STAU2: variants seen among roughly 807,000 people sequenced by gnomAD.
STAU2 encodes the protein staufen double-stranded RNA binding protein 2, also known as double-stranded RNA-binding protein Staufen homolog 2.
In STAU2, 20 loss-of-function variants were observed where a neutral mutation model predicts 65.9. The observed-to-expected ratio is 0.30, with a 90% confidence interval of 0.21 to 0.44. The LOEUF (loss-of-function observed/expected upper bound fraction) is 0.44. Ranked by LOEUF, STAU2 falls within the 20% of genes least tolerant of loss-of-function variation. The pLI, the probability that STAU2 is intolerant of heterozygous loss-of-function variation, is 1.00. For synonymous variants in STAU2, 232 were observed against 233.9 expected (o/e 0.99, Z 0.07); for missense variants, 558 against 683.9 (o/e 0.82, Z 2.05).
chr8:73,452,293 C>G (rs1818842559), intron 13 of STAU2, among the ~76,000 whole-genome samples: 1 of 152,184 alleles, frequency 6.6e-6, no homozygotes, highest in Non-Finnish European at 1.5e-5. Context: ...AGGGGCTTCG[C>G]TGCACACTTG....
At chr8:73,534,808 T>C (rs939153961) in intron 13 of STAU2, among the ~76,000 whole-genome samples, 1 of 152,238 alleles carries the variant, frequency 6.6e-6, no homozygotes, top group Non-Finnish European at 1.5e-5. Context: ...TGCTTGGTCA[T>C]GTACCAGTGT....
At chr8:73,537,426 C>T (rs779400421) in intron 13 of STAU2, among the ~76,000 whole-genome samples, 4 of 152,138 alleles carry the variant, frequency 2.6e-5, no homozygotes, top group Non-Finnish European at 5.9e-5. Context: ...AATCAACAGA[C>T]AATCAAGCTT....
rs1428735822 is a variant in STAU2 at position 73,604,770 on chromosome 8, C to T, written c.892-907G>A. ...ACCAAATTAGCAAAAATTAAGAAGT[C>T]TAACAGCCCCAAGTGGTGAGAATGG... On this transcript the variant is annotated intron_variant, in intron 9 of 14. Transcript: ENST00000524300. 3.3e-5 allele frequency among the ~76,000 whole-genome samples: 5 copies of T among 152,104 alleles called. No individual in the cohort carries two copies. The East Asian group carries it at 5.8e-4, about 18-fold the overall frequency.
intron 5 of STAU2, among the ~76,000 whole-genome samples, chr8:73,674,107 T>TA (rs1265063557): frequency 6.9e-6 from 1 of 145,304 alleles, no homozygotes; most frequent in Non-Finnish European, 1.5e-5. Flanking sequence ...TTACTTTTTT[T>TA]AAAGAATAAA....
At chr8:73,630,305 G>A (rs1813994212) in intron 6 of STAU2, among the ~76,000 whole-genome samples, 2 of 152,212 alleles carry the variant, frequency 1.3e-5, no homozygotes, top group Admixed American at 1.3e-4. Context: ...ACACTAAGCT[G>A]AGAACTATCC....
intron 13 of STAU2, among the ~76,000 whole-genome samples, chr8:73,544,615 C>T (rs1806777622): frequency 1.3e-5 from 2 of 152,214 alleles, no homozygotes; most frequent in African/African-American, 4.8e-5. Context: ...TTCTTTAAAA[C>T]ATATTTCAAA....
At chr8:73,479,705 A>AC (rs1820508674) in intron 13 of STAU2, among the ~76,000 whole-genome samples, 2 of 150,006 alleles carry the variant, frequency 1.3e-5, no homozygotes, top group South Asian at 4.2e-4. Context: ...AGATACACTT[A>AC]AATATACGTG....
chr8:73,580,361 A>G (rs548833032), intron 12 of STAU2, among the ~76,000 whole-genome samples: 1 of 152,342 alleles, frequency 6.6e-6, no homozygotes, highest in East Asian at 1.9e-4. Context: ...TAACAGAGAA[A>G]ATTGAATAAT....
intron 3 of STAU2, among the ~76,000 whole-genome samples, chr8:73,728,876 GT>G (rs1043120216): frequency 2.0e-5 from 3 of 152,134 alleles, no homozygotes; most frequent in Non-Finnish European, 4.4e-5. Context: ...AACAGAGACA[GT>G]TTTATTTCTT....
chr8:73,598,577 C>A (rs1241070584), intron 10 of STAU2, among the ~76,000 whole-genome samples: 2 of 152,098 alleles, frequency 1.3e-5, no homozygotes, highest in Non-Finnish European at 2.9e-5. Context: ...ACACCTACAG[C>A]AAACCTCAGG....
At chr8:73,730,651 C>CCGGA (rs937270853) in intron 3 of STAU2, among the ~76,000 whole-genome samples, 3 of 150,304 alleles carry the variant, frequency 2.0e-5, no homozygotes, top group Non-Finnish European at 4.4e-5. Context: ...CACTTGAACC[C>CCGGA]CGGAGGCAGA....
intron 13 of STAU2, among the ~76,000 whole-genome samples, chr8:73,544,300 A>G (rs1168389002): frequency 6.6e-6 from 1 of 152,184 alleles, no homozygotes; most frequent in East Asian, 1.9e-4. Context: ...ATGAAAAACC[A>G]TTCTAATTGG....
At chr8:73,580,211 G>C (rs1190837562) in intron 12 of STAU2, among the ~76,000 whole-genome samples, 1 of 152,186 alleles carries the variant, frequency 6.6e-6, no homozygotes, top group African/African-American at 2.4e-5. Flanking sequence ...AAACCATAGT[G>C]AGTTAGCCAT....
At chr8:73,519,347 T>C (rs1228776586) in intron 13 of STAU2, among the ~76,000 whole-genome samples, 2 of 152,192 alleles carry the variant, frequency 1.3e-5, no homozygotes, top group East Asian at 3.8e-4. Context: ...TGACGTCTCT[T>C]TAGATTCTGA....
intron 2 of STAU2, among the ~76,000 whole-genome samples, chr8:73,739,299 T>C (rs1011500454): frequency 2.6e-5 from 4 of 151,270 alleles, no homozygotes; most frequent in Non-Finnish European, 5.9e-5. Flanking sequence ...AAGTCCAAAT[T>C]ACAAATAAAT....
chr8:73,447,474 A>G (rs1818534825), intron 13 of STAU2, among the ~76,000 whole-genome samples: 2 of 152,238 alleles, frequency 1.3e-5, no homozygotes, highest in South Asian at 4.1e-4. Context: ...ATAAATATTT[A>G]GATTGTGTCC....
At chr8:73,704,078 T>G (rs1820317717) in intron 4 of STAU2, among the ~76,000 whole-genome samples, 1 of 152,212 alleles carries the variant, frequency 6.6e-6, no homozygotes, top group Non-Finnish European at 1.5e-5. Context: ...AATGATGATT[T>G]CATCATGCCT....
intron 13 of STAU2, among the ~76,000 whole-genome samples, chr8:73,427,894 C>A (rs755950005): frequency 6.6e-6 from 1 of 152,228 alleles, no homozygotes; most frequent in Non-Finnish European, 1.5e-5. Flanking sequence ...TTATGAATTT[C>A]TTCCAAAGTG....
chr8:73,712,989 A>T (rs1821002167), intron 3 of STAU2, among the ~76,000 whole-genome samples: 1 of 152,108 alleles, frequency 6.6e-6, no homozygotes, highest in Non-Finnish European at 1.5e-5. Flanking sequence ...AAAAGCATGT[A>T]TTTGTTATTA....
Sources: gnomAD v4.1 joint callset for allele counts (sites outside exome capture counted in the v4.1 genomes callset) on GRCh38, gnomAD v4.1.1 for gene constraint, MANE v1.5 for transcripts, NCBI Gene and HGNC (gene_info 2026-07-23, HGNC 2026-07-21) for gene names.